The following GRM7 variants were observed in gnomAD, a reference collection of about 807,000 sequenced individuals.
GRM7 encodes the protein glutamate metabotropic receptor 7, also known as metabotropic glutamate receptor 7.
A neutral mutation model predicts 84.5 loss-of-function variants in GRM7; 35 were observed. That is an observed-to-expected ratio of 0.41 (90% CI 0.32 to 0.55). GRM7 has a LOEUF of 0.55. GRM7 is among the 20% of genes least tolerant of loss of function. The pLI is 0.19. For missense variants in GRM7, 1,003 were observed against 1,194.6 expected, an observed-to-expected ratio of 0.84 and a Z score of 2.36; for synonymous variants, 487 against 455.1, an observed-to-expected ratio of 1.07 and a Z score of -0.89.
chr3:6,868,670 A>G (rs973867893), intron 1 of GRM7, among the ~76,000 whole-genome samples: 2 of 152,174 alleles, frequency 1.3e-5, no homozygotes, highest in Non-Finnish European at 2.9e-5. Context: ...CAAGTAGGGA[A>G]ATCCATCATT....
chr3:7,115,939 T>G (rs1693016131), intron 1 of GRM7, among the ~76,000 whole-genome samples: 1 of 152,156 alleles, frequency 6.6e-6, no homozygotes, highest in Non-Finnish European at 1.5e-5. Context: ...AAATTACCTT[T>G]TATAGACATT....
intron 2 of GRM7, among the ~76,000 whole-genome samples, chr3:7,176,581 C>T (rs574852372): frequency 6.6e-6 from 1 of 152,266 alleles, no homozygotes; most frequent in South Asian, 2.1e-4. Flanking sequence ...AAAGAGTTGG[C>T]ATATATTAAG....
chr3:7,205,354 C>A (rs1236111536), intron 2 of GRM7, among the ~76,000 whole-genome samples: 1 of 152,180 alleles, frequency 6.6e-6, no homozygotes, highest in Non-Finnish European at 1.5e-5. Context: ...TGGGAAAGAT[C>A]TTTAGGTGGG....
intron 4 of GRM7, among the ~76,000 whole-genome samples, chr3:7,314,364 T>C (rs1337417545): frequency 2.0e-5 from 3 of 151,432 alleles, no homozygotes; most frequent in Admixed American, 6.6e-5. Flanking sequence ...ACATCATCAT[T>C]AGCATCTCTA....
intron 2 of GRM7, among the ~76,000 whole-genome samples, chr3:7,177,548 G>A (rs1695194917): frequency 6.6e-6 from 1 of 150,642 alleles, no homozygotes. Context: ...AAGGGAGGGA[G>A]GGAGGGAGGG....
chr3:7,713,704 GC>G (rs1292144264), intron 9 of GRM7, among the ~76,000 whole-genome samples: 3 of 149,994 alleles, frequency 2.0e-5, no homozygotes, highest in Non-Finnish European at 3.0e-5. Flanking sequence ...CATGTTAACA[GC>G]ATAATAATTG....
intron 1 of GRM7, among the ~76,000 whole-genome samples, chr3:7,028,730 T>C (rs1458214086): frequency 6.6e-6 from 1 of 152,150 alleles, no homozygotes; most frequent in Non-Finnish European, 1.5e-5. Context: ...CAGTAGGAAA[T>C]GATAATTAAA....
rs1242621548 is a variant in GRM7 at position 7,435,608 on chromosome 3, C to T, written c.1175-16999C>T. On this transcript the variant is annotated intron_variant, in intron 5 of 9. Transcript: ENST00000357716. ...GCTCGCTGCAACCTCAGCCTCCCGG[C>T]TCCAAGAAATTCTCCTGCCTCAGCC... is the stretch of plus-strand genomic sequence containing the variant. Among the ~76,000 whole-genome samples, 15 of 151,456 alleles carry T rather than the reference C, an allele frequency of 9.9e-5. 1 individual carries two copies. The highest frequency in any genetic ancestry group is 9.9e-4 in the Admixed American group (15 of 15,176).
At chr3:7,605,761 T>C (rs1696530000) in intron 8 of GRM7, among the ~76,000 whole-genome samples, 1 of 152,202 alleles carries the variant, frequency 6.6e-6, no homozygotes, top group Admixed American at 6.5e-5. Context: ...TAAAATTATG[T>C]ATGATAACAC....
chr3:7,465,365 A>G (rs748813796), intron 7 of GRM7, among the ~76,000 whole-genome samples: 9 of 152,254 alleles, frequency 5.9e-5, no homozygotes, highest in Non-Finnish European at 8.8e-5. Context: ...ACTTGGTAGG[A>G]TGTCACCCTG....
Position 7,415,013 on chromosome 3 carries a change from C to T in GRM7, c.1034-10C>T. ...CGCAAGCAATGACCTTTTCATTTAA[C>T]TCTGTTTAGGGTTTGATGCCTACTT... On this transcript the variant is annotated splice_polypyrimidine_tract_variant and intron_variant, in intron 4 of 9. Transcript: ENST00000357716. The T allele has an allele frequency of 6.2e-7, 1 of 1,605,058 alleles. No homozygotes were observed. Among genetic ancestry groups the T allele is most frequent in the African/African-American group, 1.3e-5 (1 of 74,554 alleles).
chr3:6,998,043 C>A (rs1370894034), intron 1 of GRM7, among the ~76,000 whole-genome samples: 1 of 140,474 alleles, frequency 7.1e-6, no homozygotes, highest in Non-Finnish European at 1.5e-5. Flanking sequence ...CACTTGAACC[C>A]ACAAGGTGGA....
chr3:7,563,759 CGT>C (rs1297746738), intron 7 of GRM7, among the ~76,000 whole-genome samples: 3 of 152,106 alleles, frequency 2.0e-5, no homozygotes, highest in African/African-American at 7.2e-5. Flanking sequence ...CACTGTCTCA[CGT>C]GGGCAATGGA....
At chr3:7,482,199 A>G (rs1379684413) in intron 7 of GRM7, among the ~76,000 whole-genome samples, 1 of 152,168 alleles carries the variant, frequency 6.6e-6, no homozygotes, top group Non-Finnish European at 1.5e-5. Context: ...AACAAAAACG[A>G]AAACAAAAAC....
chr3:7,221,492 C>T (rs915254716), intron 2 of GRM7, among the ~76,000 whole-genome samples: 2 of 152,062 alleles, frequency 1.3e-5, no homozygotes, highest in Admixed American at 1.3e-4. Flanking sequence ...TTTGTTGTTT[C>T]TTGATATGTA....
intron 8 of GRM7, among the ~76,000 whole-genome samples, chr3:7,634,800 AAAAAAAG>A (rs905571996): frequency 2.0e-4 from 31 of 152,114 alleles, no homozygotes; most frequent in Middle Eastern, 3.4e-3. Flanking sequence ...TCTCAAAAAA[AAAAAAAG>A]AAAAAGAAAA....
intron 9 of GRM7, among the ~76,000 whole-genome samples, chr3:7,684,750 G>C (rs978918200): frequency 1.3e-5 from 2 of 151,988 alleles, no homozygotes; most frequent in Non-Finnish European, 2.9e-5. Flanking sequence ...ATTTATCTGC[G>C]CACTGCTGGC....
At chr3:7,250,691 T>C (rs922650524) in intron 2 of GRM7, among the ~76,000 whole-genome samples, 2 of 152,030 alleles carry the variant, frequency 1.3e-5, no homozygotes, top group Non-Finnish European at 2.9e-5. Flanking sequence ...ATCTAGCTAA[T>C]TTTTGTATTT....
At chr3:7,138,077 T>C (rs1331154705) in intron 1 of GRM7, among the ~76,000 whole-genome samples, 1 of 152,072 alleles carries the variant, frequency 6.6e-6, no homozygotes. Context: ...TATAATTTTA[T>C]ATAAAAATGC....
Sources: gnomAD v4.1 joint callset for allele counts (sites outside exome capture counted in the v4.1 genomes callset) on GRCh38, gnomAD v4.1.1 for gene constraint, MANE v1.5 for transcripts, NCBI Gene and HGNC (gene_info 2026-07-23, HGNC 2026-07-21) for gene names.